Variants in SPAG9 observed in about 807,000 individuals in gnomAD.
The protein encoded by SPAG9 is sperm associated antigen 9, also known as C-Jun-amino-terminal kinase-interacting protein 4.
A neutral mutation model predicts 166.5 loss-of-function variants in SPAG9; 35 were observed. The ratio of observed to expected loss-of-function variants is 0.21; its 90% CI spans 0.16 to 0.28. SPAG9 has a LOEUF of 0.28. Ranked by LOEUF, SPAG9 falls within the 10% of genes least tolerant of loss-of-function variation. The pLI is 1.00. For missense variants in SPAG9, 1,235 were observed against 1,603.3 expected, an observed-to-expected ratio of 0.77 and a Z score of 3.92; for synonymous variants, 534 against 565.5, an observed-to-expected ratio of 0.94 and a Z score of 0.79.
chr17:51,028,206 TAA>T (rs2046262332), intron 6 of SPAG9, among the ~76,000 whole-genome samples: 1 of 152,084 alleles, frequency 6.6e-6, no homozygotes, highest in African/African-American at 2.4e-5. Context: ...TAAAAAAATT[TAA>T]AGTTTATAAA....
At chr17:51,007,906 C>T (rs1385286992) in intron 9 of SPAG9, 9 of 423,722 alleles carry the variant, frequency 2.1e-5, no homozygotes, top group Admixed American at 2.8e-5. Context: ...AAATGTTTTA[C>T]GTAAGAAACA....
At chr17:51,081,452 A>G (rs2048161921) in intron 1 of SPAG9, among the ~76,000 whole-genome samples, 1 of 151,926 alleles carries the variant, frequency 6.6e-6, no homozygotes, top group African/African-American at 2.4e-5. Context: ...CCCCCTCTCA[A>G]AAAAAAGCAG....
chr17:50,975,012 A>G, intron 27 of SPAG9, 65 bp from the exon 28 acceptor site: 1 of 1,468,640 alleles, frequency 6.8e-7, no homozygotes, highest in East Asian at 2.3e-5. Flanking sequence ...GTAAGAGGTT[A>G]CTGGTTAATC....
chr17:51,003,195 C>T (rs901138375), intron 12 of SPAG9, among the ~76,000 whole-genome samples: 1 of 151,966 alleles, frequency 6.6e-6, no homozygotes, highest in Admixed American at 6.6e-5. Context: ...GATATGATTG[C>T]CACTGTACTC....
intron 9 of SPAG9, among the ~76,000 whole-genome samples, chr17:51,009,947 C>G (rs2045396492): frequency 6.6e-6 from 1 of 151,846 alleles, no homozygotes; most frequent in Admixed American, 6.6e-5. Context: ...TTGAAATGAT[C>G]AATAACTCTT....
At chr17:51,117,834 T>C (rs947209805) in intron 1 of SPAG9, among the ~76,000 whole-genome samples, 2 of 150,976 alleles carry the variant, frequency 1.3e-5, no homozygotes, top group African/African-American at 4.9e-5. Flanking sequence ...CAATTTATGA[T>C]CTTATGTGAA....
intron 8 of SPAG9, among the ~76,000 whole-genome samples, chr17:51,017,226 G>A (rs776703886): frequency 5.3e-5 from 8 of 152,118 alleles, no homozygotes; most frequent in South Asian, 2.1e-4. Flanking sequence ...TATTCTAGAC[G>A]CACAGGAGCA....
chr17:51,062,585 C>T (rs750038829), intron 2 of SPAG9, among the ~76,000 whole-genome samples: 1 of 151,974 alleles, frequency 6.6e-6, no homozygotes. Flanking sequence ...GAGGTTACTC[C>T]ATATCTTTTT....
intron 14 of SPAG9, among the ~76,000 whole-genome samples, chr17:50,999,313 AC>A (rs1260625137): frequency 6.6e-6 from 1 of 152,178 alleles, no homozygotes; most frequent in Non-Finnish European, 1.5e-5. Context: ...TCTTACAATC[AC>A]AAAACCAGCC....
chr17:51,048,420 T>C (rs986919180), intron 3 of SPAG9, among the ~76,000 whole-genome samples: 2 of 151,998 alleles, frequency 1.3e-5, no homozygotes, highest in African/African-American at 4.8e-5. Context: ...AAGGTTGATG[T>C]CTTTCTTGGG....
intron 1 of SPAG9, among the ~76,000 whole-genome samples, chr17:51,080,352 T>C (rs1198796867): frequency 6.6e-6 from 1 of 152,084 alleles, no homozygotes; most frequent in Non-Finnish European, 1.5e-5. Flanking sequence ...CTGCTCGTTC[T>C]TGGTCTTCTT....
chr17:51,051,309 A>G (rs1396960644), intron 3 of SPAG9, among the ~76,000 whole-genome samples: 1 of 152,120 alleles, frequency 6.6e-6, no homozygotes, highest in East Asian at 1.9e-4. Flanking sequence ...GAGTTTCACC[A>G]TGTTGGCCAG....
chr17:51,040,799 C>T (rs1221645475), intron 5 of SPAG9, among the ~76,000 whole-genome samples: 1 of 152,146 alleles, frequency 6.6e-6, no homozygotes, highest in East Asian at 1.9e-4. Context: ...CATTTCTACT[C>T]ATTGCAGGTG....
chr17:51,057,499 A>G (rs1302246962), intron 2 of SPAG9, among the ~76,000 whole-genome samples: 2 of 152,210 alleles, frequency 1.3e-5, no homozygotes, highest in African/African-American at 2.4e-5. Context: ...GTATGAACTA[A>G]TATTCTGACA....
At chr17:51,058,840 A>C (rs1162958255) in intron 2 of SPAG9, among the ~76,000 whole-genome samples, 1 of 152,246 alleles carries the variant, frequency 6.6e-6, no homozygotes, top group Admixed American at 6.5e-5. Context: ...CATACACCGT[A>C]ACTTGGTATG....
At chr17:51,010,174 T>C (rs1408472761) in intron 9 of SPAG9, among the ~76,000 whole-genome samples, 1 of 152,142 alleles carries the variant, frequency 6.6e-6, no homozygotes, top group Admixed American at 6.5e-5. Context: ...GGTAATCCCT[T>C]GAGAAGATGC....
Position 50,964,536 on chromosome 17 carries a change from T to A in SPAG9, c.*1736A>T, listed in dbSNP as rs1290190331. 1 of 191,024 alleles carries A rather than the reference T, an allele frequency of 5.2e-6. No homozygotes were observed. The highest frequency in any genetic ancestry group is 1.9e-4 in the East Asian group (1 of 5,402). The allele number at this position is 191,024 out of a possible 1,614,324, so 11.8% of individuals were successfully genotyped here. A position where few individuals can be genotyped will look rare whatever the true frequency, so the allele number is the denominator to read the frequency against. The stretch of plus-strand genomic sequence containing the variant: ...CTGAGAGGTGGAGGTTGCAGTGAGC[T>A]GAGATCGCACCACTGCATTCCAGCC... On this transcript the variant is annotated 3_prime_UTR_variant, in exon 30 of 30. Coordinates refer to ENST00000262013, the MANE Select transcript of SPAG9 (RefSeq NM_001130528.3).
intron 1 of SPAG9, among the ~76,000 whole-genome samples, chr17:51,080,788 G>C (rs1318206006): frequency 1.3e-5 from 2 of 150,170 alleles, no homozygotes; most frequent in African/African-American, 2.5e-5. Context: ...GGCTAAGGAA[G>C]GAGAGTTGCT....
At position 50,989,424 on chromosome 17, in the gene SPAG9, TTGAC is replaced by T. The variant is rs200586848; in HGVS notation, c.2813+249_2813+252del. 1.2e-3 allele frequency: 605 copies of T among 523,010 alleles called. 7 individuals carry two copies. In the East Asian group the frequency reaches 0.016, roughly 14 times the overall value. The allele number at this position is 523,010 out of a possible 1,614,324, so 32.4% of individuals were successfully genotyped here. On this transcript the variant is annotated intron_variant, in intron 21 of 29. Transcript: ENST00000262013. ...CATTTCTCAGAACATATCCCCATTGTTGACTGATGCATGATTATACTTTTATAGA... is the reference window on the plus strand; with the variant it reads ...CATTTCTCAGAACATATCCCCATTGTTGATGCATGATTATACTTTTATAGA...
Sources: allele counts gnomAD v4.1 joint callset (sites outside exome capture counted in the v4.1 genomes callset), GRCh38; gene constraint gnomAD v4.1.1; transcripts MANE v1.5; gene names NCBI Gene and HGNC (gene_info 2026-07-23, HGNC 2026-07-21).